DNAH8: variants seen among roughly 807,000 people sequenced by gnomAD.
DNAH8 encodes dynein axonemal heavy chain 8, also known as axonemal beta dynein heavy chain 8.
In DNAH8, 382 loss-of-function variants were observed where a neutral mutation model predicts 562.1. That is an observed-to-expected ratio of 0.68 (90% CI 0.63 to 0.74). DNAH8 has a LOEUF of 0.74. DNAH8 is among the 30% of genes least tolerant of loss of function. The probability of loss-of-function intolerance (pLI) is 0.00; values close to 1 mark genes in which losing one functional copy is unlikely to be tolerated. For missense variants in DNAH8, 5,203 were observed against 5,620.4 expected (o/e 0.93, Z 2.37); for synonymous variants, 1,881 against 1,919.4 (o/e 0.98, Z 0.52).
chr6:38,979,644 A>T (rs1053577309), intron 85 of DNAH8, among the ~76,000 whole-genome samples: 19 of 152,236 alleles, frequency 1.2e-4, no homozygotes, highest in African/African-American at 4.3e-4. Flanking sequence ...AATGCTTTAG[A>T]TGAAAATTGG....
At chr6:39,028,454 A>G (rs755159070) in intron 92 of DNAH8, among the ~76,000 whole-genome samples, 14 of 152,026 alleles carry the variant, frequency 9.2e-5, no homozygotes, top group Non-Finnish European at 2.1e-4. Flanking sequence ...CATCATTACA[A>G]TCTCTGCCTC....
chr6:38,953,947 T>C (rs530326448), intron 82 of DNAH8, among the ~76,000 whole-genome samples: 2 of 152,242 alleles, frequency 1.3e-5, no homozygotes, highest in African/African-American at 4.8e-5. Context: ...GGAACCCCAC[T>C]TCAGTGATCT....
intron 88 of DNAH8, among the ~76,000 whole-genome samples, chr6:38,996,082 C>T (rs1001728677): frequency 2.0e-5 from 3 of 152,142 alleles, no homozygotes; most frequent in Non-Finnish European, 4.4e-5. Context: ...GTTCTCAGTC[C>T]TCAGTGGCAA....
intron 82 of DNAH8, among the ~76,000 whole-genome samples, chr6:38,962,721 A>C (rs909670530): frequency 6.6e-6 from 1 of 152,226 alleles, no homozygotes; most frequent in Non-Finnish European, 1.5e-5. Context: ...GATTTTCTTA[A>C]TCATAATACC....
intron 41 of DNAH8, among the ~76,000 whole-genome samples, chr6:38,853,739 A>ACCTAC (rs1344703413): frequency 6.6e-6 from 1 of 152,106 alleles, no homozygotes; most frequent in Non-Finnish European, 1.5e-5. Context: ...AATGCATCTA[A>ACCTAC]CCTACCAATC....
chr6:38,970,627 C>T (rs962411500), intron 82 of DNAH8, among the ~76,000 whole-genome samples: 16 of 152,168 alleles, frequency 1.1e-4, no homozygotes, highest in African/African-American at 3.9e-4. Context: ...CTGACAGTGT[C>T]TCTGGTTTCT....
intron 45 of DNAH8, among the ~76,000 whole-genome samples, chr6:38,865,366 G>A (rs1368125293): frequency 6.6e-6 from 1 of 152,200 alleles, no homozygotes; most frequent in African/African-American, 2.4e-5. Flanking sequence ...TGTACTCAGT[G>A]TAAAACTGTG....
At chr6:38,940,843 C>T (rs527326445) in intron 79 of DNAH8, among the ~76,000 whole-genome samples, 28 of 152,238 alleles carry the variant, frequency 1.8e-4, no homozygotes, top group African/African-American at 6.3e-4. Flanking sequence ...CTAGGCCGGG[C>T]GCGGTGGCTA....
At chr6:38,930,172 G>A (rs1382698678) in intron 75 of DNAH8, among the ~76,000 whole-genome samples, 1 of 151,944 alleles carries the variant, frequency 6.6e-6, no homozygotes, top group Non-Finnish European at 1.5e-5. Flanking sequence ...ACATTGATTT[G>A]GTCATTTATC....
chr6:38,833,002 T>C (rs575167611), intron 31 of DNAH8, among the ~76,000 whole-genome samples: 57 of 152,238 alleles, frequency 3.7e-4, no homozygotes, highest in African/African-American at 1.3e-3. Context: ...CAGGATATTA[T>C]GCCATTGATT....
intron 75 of DNAH8, among the ~76,000 whole-genome samples, chr6:38,930,935 A>ACCACTGTTCTATTCTCTGCTT (rs1189391147): frequency 9.9e-5 from 15 of 152,066 alleles, no homozygotes; most frequent in Non-Finnish European, 2.2e-4. Flanking sequence ...CTTGCTGGCA[A>ACCACTGTTCTATTCTCTGCTT]CCACTGTTCT....
chr6:38,828,558 C>T (rs1279837047), intron 30 of DNAH8, among the ~76,000 whole-genome samples: 1 of 152,116 alleles, frequency 6.6e-6, no homozygotes, highest in East Asian at 1.9e-4. Context: ...AGGTTTGTAG[C>T]CTAGCAGCAA....
chr6:38,920,917 G>C (rs375544227), intron 70 of DNAH8, among the ~76,000 whole-genome samples: 3 of 151,990 alleles, frequency 2.0e-5, no homozygotes, highest in African/African-American at 2.4e-5. Context: ...TTGAGACAGG[G>C]TCTCACTCTG....
chr6:38,979,835 C>G (rs1561938012), intron 85 of DNAH8, among the ~76,000 whole-genome samples: 1 of 152,168 alleles, frequency 6.6e-6, no homozygotes, highest in Non-Finnish European at 1.5e-5. Flanking sequence ...TCTAATTGAA[C>G]ATTAAAATTT....
chr6:38,717,970 T>A (rs1332134952), intron 1 of DNAH8, among the ~76,000 whole-genome samples: 1 of 152,156 alleles, frequency 6.6e-6, no homozygotes, highest in Non-Finnish European at 1.5e-5. Context: ...ACTTTAAAAA[T>A]TTTATGCGAG....
Position 38,834,569 on chromosome 6 carries a change from T to C in DNAH8, c.4303-10T>C, listed in dbSNP as rs769192304. On this transcript the variant is annotated splice_polypyrimidine_tract_variant and intron_variant, in intron 31 of 92. Coordinates refer to ENST00000327475, the MANE Select transcript of DNAH8 (RefSeq NM_001206927.2). ...AAGAATGAAAATGGAGATTATATTC[T>C]TCCTTACAGGAAGGACCTATGGTTC... 7 of 1,560,834 alleles carry C rather than the reference T, an allele frequency of 4.5e-6. No homozygotes were observed. The South Asian group carries it at 8.5e-5, about 19-fold the overall frequency.
intron 39 of DNAH8, among the ~76,000 whole-genome samples, chr6:38,851,886 C>A (rs531770290): frequency 1.3e-5 from 2 of 152,186 alleles, no homozygotes; most frequent in African/African-American, 2.4e-5. Context: ...CTATGCCATT[C>A]CTAGCTGTGT....
At chr6:38,985,813 C>T (rs1764349893) in intron 87 of DNAH8, among the ~76,000 whole-genome samples, 1 of 152,212 alleles carries the variant, frequency 6.6e-6, no homozygotes, top group Non-Finnish European at 1.5e-5. Context: ...AGCCTTCCTG[C>T]AAGACATGAC....
chr6:38,976,115 T>C (rs1487208738), intron 85 of DNAH8, among the ~76,000 whole-genome samples: 1 of 152,206 alleles, frequency 6.6e-6, no homozygotes, highest in African/African-American at 2.4e-5. Context: ...GCTGAATATC[T>C]CTTAAAATCA....
Sources: gnomAD v4.1 joint callset for allele counts (sites outside exome capture counted in the v4.1 genomes callset) on GRCh38, gnomAD v4.1.1 for gene constraint, MANE v1.5 for transcripts, NCBI Gene and HGNC (gene_info 2026-07-23, HGNC 2026-07-21) for gene names.